SI: variants seen among roughly 807,000 people sequenced by gnomAD.
The protein encoded by SI is sucrase-isomaltase, intestinal.
Under a neutral mutation model 253.3 loss-of-function variants are expected in SI, and 235 were observed. The observed-to-expected ratio is 0.93, with a 90% confidence interval of 0.83 to 1.03. SI has a LOEUF of 1.03. SI is among the 50% of genes least tolerant of loss of function. The pLI is 0.00. For missense variants in SI, 2,442 were observed against 2,211.1 expected, an observed-to-expected ratio of 1.10 and a Z score of -2.09; for synonymous variants, 819 against 712.0, an observed-to-expected ratio of 1.15 and a Z score of -2.39.
At chr3:165,012,270 A>G (rs1241540504) in intron 34 of SI, among the ~76,000 whole-genome samples, 1 of 152,170 alleles carries the variant, frequency 6.6e-6, no homozygotes, top group Non-Finnish European at 1.5e-5. Flanking sequence ...GCTAAGAAAT[A>G]GACACAAAAT....
chr3:164,996,688 G>T, intron 39 of SI, 37 bp from the exon 40 acceptor site: 1 of 1,276,038 alleles, frequency 7.8e-7, no homozygotes, highest in Non-Finnish European at 1.1e-6. Context: ...AATTTGAATA[G>T]TTTATGAATG....
chr3:165,001,799 T>C (rs1269174642), intron 37 of SI, among the ~76,000 whole-genome samples: 1 of 151,438 alleles, frequency 6.6e-6, no homozygotes, highest in Non-Finnish European at 1.5e-5. Context: ...CATAGACTAG[T>C]TTTTGTTTAT....
At chr3:165,051,188 T>C (rs1417791393) in intron 13 of SI, among the ~76,000 whole-genome samples, 1 of 152,068 alleles carries the variant, frequency 6.6e-6, no homozygotes, top group Non-Finnish European at 1.5e-5. Flanking sequence ...ATTATTCATC[T>C]CTATTATTCT....
At chr3:164,987,550 G>A (rs1035159876) in intron 44 of SI, among the ~76,000 whole-genome samples, 2 of 152,016 alleles carry the variant, frequency 1.3e-5, no homozygotes, top group Non-Finnish European at 2.9e-5. Flanking sequence ...CTCTACTAAA[G>A]TACAAAAAAT....
At position 165,026,290 on chromosome 3, in the gene SI, T is replaced by G. The variant is rs148664492; in HGVS notation, c.2893-2514A>C. ...GTCCAACAGGAAAATATCACAATCC[T>G]AAATATATATGCACCTAACACTGGA... On this transcript the variant is annotated intron_variant, in intron 25 of 47. Transcript: ENST00000264382. Among the ~76,000 whole-genome samples the G allele has an allele frequency of 7.8e-4, 118 of 151,490 alleles. 2 individuals are homozygous for G. Among genetic ancestry groups the G allele is most frequent in the African/African-American group, 2.4e-3 (100 of 41,448 alleles).
At chr3:165,070,825 T>A (rs2108104933) in intron 3 of SI, among the ~76,000 whole-genome samples, 1 of 152,246 alleles carries the variant, frequency 6.6e-6, no homozygotes, top group Non-Finnish European at 1.5e-5. Flanking sequence ...AACAGAAATT[T>A]ACTCTCTCAC....
At chr3:165,046,730 A>C (rs1713134414) in intron 16 of SI, 111 bp downstream of exon 16, 1 of 902,426 alleles carries the variant, frequency 1.1e-6, no homozygotes, top group Middle Eastern at 2.6e-4. Flanking sequence ...TAAAAAACTG[A>C]ATTATTTCTG....
At position 164,998,646 on chromosome 3, in the gene SI, T is replaced by G; in HGVS notation, c.4434A>C (p.Arg1478Ser). 6.2e-7 allele frequency: 1 copy of G among 1,611,670 alleles called. No homozygotes were observed. The highest frequency in any genetic ancestry group is 8.5e-7 in the Non-Finnish European group (1 of 1,178,300). Residue 1478 changes from arginine (R) to serine (S), a missense_variant, in exon 38 of 48, where the codon AGA (arginine) becomes AGC (serine). Physicochemically the swap from Arg to Ser is moderately radical, Grantham distance 110 (BLOSUM62 -1). Coordinates refer to ENST00000264382, the MANE Select transcript of SI (RefSeq NM_001041.4). Reference sequence around the variant, plus strand: ...ACGTGGAACGAGAAATTACAATCCCTCTTTTTCCAGTTGTCTTCTGCAATG... The same window carrying G: ...ACGTGGAACGAGAAATTACAATCCCGCTTTTTCCAGTTGTCTTCTGCAATG... ...HDALQKTTGK[R>S]GIVISRSTYP...
intron 20 of SI, among the ~76,000 whole-genome samples, chr3:165,038,480 C>CG (rs1239516722): frequency 6.6e-6 from 1 of 150,552 alleles, no homozygotes; most frequent in Non-Finnish European, 1.5e-5. Flanking sequence ...GAGGCCATGG[C>CG]GGGCGGATCA....
intron 31 of SI, among the ~76,000 whole-genome samples, chr3:165,016,784 A>G (rs1467186580): frequency 6.6e-6 from 1 of 151,962 alleles, no homozygotes. Flanking sequence ...TATAGAAAGT[A>G]TGGTCAATAA....
At chr3:165,007,834 A>G in intron 36 of SI, 77 bp downstream of exon 36, 1 of 512,366 alleles carries the variant, frequency 2.0e-6, no homozygotes, top group Non-Finnish European at 3.5e-6. Context: ...TAACTGATAT[A>G]TATCAGTTTA....
intron 10 of SI, among the ~76,000 whole-genome samples, 154 bp from the exon 11 acceptor site, chr3:165,059,453 T>C (rs141314323): frequency 9.9e-5 from 15 of 152,142 alleles, no homozygotes; most frequent in African/African-American, 3.4e-4. Flanking sequence ...GCAATTGTAC[T>C]GTTTGTAAAC....
intron 34 of SI, 34 bp from the exon 35 acceptor site, chr3:165,009,429 A>G (rs1484840164): frequency 4.4e-6 from 5 of 1,125,128 alleles, no homozygotes; most frequent in Middle Eastern, 2.0e-4. Flanking sequence ...ACATGTGGAA[A>G]GTCTTAAGAG....
At chr3:165,086,115 A>G in the SI span, among the ~76,000 whole-genome samples, 5 of 152,092 alleles carry the variant, frequency 3.3e-5, 1 homozygote, top group East Asian at 7.8e-4. Context: ...TTAGCAGGGC[A>G]TGGTGGTGCA....
At chr3:165,048,868 C>T (rs747398154) in intron 15 of SI, among the ~76,000 whole-genome samples, 3 of 151,938 alleles carry the variant, frequency 2.0e-5, no homozygotes, top group South Asian at 2.1e-4. Flanking sequence ...GTGCCTGCCT[C>T]GGCCTCCCAA....
chr3:165,023,522 C>T (rs770446747), intron 26 of SI, 48 bp downstream of exon 26: 1 of 1,232,858 alleles, frequency 8.1e-7, no homozygotes, highest in Non-Finnish European at 1.2e-6. Context: ...TTCAAAATCT[C>T]ATCTCACAAG....
intron 25 of SI, among the ~76,000 whole-genome samples, chr3:165,028,333 T>C (rs1712034605): frequency 6.6e-6 from 1 of 151,432 alleles, no homozygotes; most frequent in African/African-American, 2.4e-5. Flanking sequence ...CATGGATGGA[T>C]AGAAAGAATA....
At chr3:165,053,657 A>C (rs1293757050) in intron 13 of SI, among the ~76,000 whole-genome samples, 9 of 152,086 alleles carry the variant, frequency 5.9e-5, no homozygotes. Flanking sequence ...TCTCTCCCAC[A>C]CTTTGGAGGT....
chr3:164,985,618 A>C (rs193066009), intron 45 of SI, among the ~76,000 whole-genome samples: 1 of 152,300 alleles, frequency 6.6e-6, no homozygotes, highest in African/African-American at 2.4e-5. Flanking sequence ...GCTATTAATG[A>C]AAAAACTATT....
Sources: allele counts gnomAD v4.1 joint callset (sites outside exome capture counted in the v4.1 genomes callset), GRCh38; gene constraint gnomAD v4.1.1; transcripts MANE v1.5; gene names NCBI Gene and HGNC (gene_info 2026-07-23, HGNC 2026-07-21).